CACNA1A: variants seen among roughly 807,000 people sequenced by gnomAD.
CACNA1A encodes the protein calcium voltage-gated channel subunit alpha1 A.
Under a neutral mutation model 262.4 loss-of-function variants are expected in CACNA1A, and 57 were observed. The ratio of observed to expected loss-of-function variants is 0.22; its 90% CI spans 0.18 to 0.27. The LOEUF (loss-of-function observed/expected upper bound fraction) is 0.27, where lower values mean the gene tolerates loss of function less well. Ranked by LOEUF, CACNA1A falls within the 10% of genes least tolerant of loss-of-function variation. The pLI, the probability that CACNA1A is intolerant of heterozygous loss-of-function variation, is 1.00. For missense variants in CACNA1A, 2,526 were observed against 3,562.8 expected (o/e 0.71, Z 7.41); for synonymous variants, 1,431 against 1,419.3 (o/e 1.01, Z -0.18).
chr19:13,208,793 G>C lies in CACNA1A; in HGVS notation c.6743C>G (p.Ser2248Trp). Residue 2248 changes from serine (S) to tryptophan (W), a missense_variant, in exon 46 of 47, where the codon TCG (serine) becomes TGG (tryptophan). By Grantham distance (177) the Ser-to-Trp change is radical. Transcript: ENST00000360228. Reference sequence around the variant, plus strand: ...CATGTGCTCTCGGCCCTCGCTGGGCGAGCGGGACCAGCGCTGGTCCCGAGC... The same window carrying C: ...CATGTGCTCTCGGCCCTCGCTGGGCCAGCGGGACCAGCGCTGGTCCCGAGC... ...ARARDQRWSRSPSEGREHMAH... is the reference protein window; with the variant it reads ...ARARDQRWSRWPSEGREHMAH... The C allele has an allele frequency of 1.3e-6, 2 of 1,558,484 alleles. No homozygotes were observed. Among genetic ancestry groups the C allele is most frequent in the Non-Finnish European group, 1.7e-6 (2 of 1,160,476 alleles).
chr19:13,453,498 G>T (rs983877311), intron 2 of CACNA1A, among the ~76,000 whole-genome samples: 2 of 152,202 alleles, frequency 1.3e-5, no homozygotes, highest in Non-Finnish European at 2.9e-5. Flanking sequence ...CACATGCAGC[G>T]TTCAAGGTAT....
chr19:13,368,585 A>G (rs1032213414), intron 4 of CACNA1A, among the ~76,000 whole-genome samples: 11 of 152,184 alleles, frequency 7.2e-5, no homozygotes, highest in African/African-American at 2.7e-4. Flanking sequence ...ATCTACTAGG[A>G]AAGTCTATGA....
At chr19:13,355,160 G>A (rs1306513690) in intron 6 of CACNA1A, among the ~76,000 whole-genome samples, 1 of 152,160 alleles carries the variant, frequency 6.6e-6, no homozygotes, top group Admixed American at 6.5e-5. Flanking sequence ...ACAGGCGTGA[G>A]CCACTGTGCC....
chr19:13,206,662 T>A lies in CACNA1A; in HGVS notation c.*651A>T, dbSNP rs1192149493. 1.6e-5 allele frequency: 2 copies of A among 126,224 alleles called. No individual in the cohort carries two copies. The highest frequency in any genetic ancestry group is 2.8e-4 in the South Asian group (1 of 3,516). The allele number at this position is 126,224 out of a possible 1,614,324, so 7.8% of individuals were successfully genotyped here. A position where few individuals can be genotyped will look rare whatever the true frequency, so the allele number is the denominator to read the frequency against. On this transcript the variant is annotated 3_prime_UTR_variant, in exon 47 of 47. Coordinates refer to ENST00000360228, the MANE Select transcript of CACNA1A (RefSeq NM_001127222.2). ...CAATCATTAATTTTTTTGTCCTTTT[T>A]AAAATTGTTTATTGTTATTATTATT... is the stretch of plus-strand genomic sequence containing the variant.
intron 34 of CACNA1A, among the ~76,000 whole-genome samples, chr19:13,232,542 T>C (rs2055703465): frequency 6.7e-6 from 1 of 150,090 alleles, no homozygotes; most frequent in South Asian, 2.1e-4. Flanking sequence ...CCATCCTGGC[T>C]AACATGGTGA....
chr19:13,502,594 C>T (rs1982520048), intron 1 of CACNA1A, among the ~76,000 whole-genome samples: 1 of 152,102 alleles, frequency 6.6e-6, no homozygotes, highest in Admixed American at 6.5e-5. Context: ...AACATGAAAC[C>T]AAGGTGTGTG....
At chr19:13,420,259 T>G (rs902646418) in intron 3 of CACNA1A, among the ~76,000 whole-genome samples, 1 of 151,444 alleles carries the variant, frequency 6.6e-6, no homozygotes, top group African/African-American at 2.4e-5. Context: ...AGGCTCGCTC[T>G]CTCTCTCAAG....
chr19:13,401,984 G>A (rs2059907194), intron 3 of CACNA1A, among the ~76,000 whole-genome samples: 1 of 152,160 alleles, frequency 6.6e-6, no homozygotes, highest in South Asian at 2.1e-4. Context: ...GCCACCAGTT[G>A]TACTTTAGAA....
chr19:13,372,517 A>C (rs968664186), intron 3 of CACNA1A, among the ~76,000 whole-genome samples: 6 of 152,128 alleles, frequency 3.9e-5, no homozygotes, highest in African/African-American at 1.4e-4. Context: ...GTTCAGTGTT[A>C]AGAGCCCAGC....
At chr19:13,327,721 C>T (rs1028812096) in intron 10 of CACNA1A, among the ~76,000 whole-genome samples, 1 of 151,140 alleles carries the variant, frequency 6.6e-6, no homozygotes. Context: ...TACAGGCTCA[C>T]GCCACCACAC....
intron 3 of CACNA1A, among the ~76,000 whole-genome samples, chr19:13,424,192 T>C (rs981052957): frequency 2.6e-5 from 4 of 151,852 alleles, no homozygotes; most frequent in African/African-American, 9.7e-5. Context: ...CTACTAAAAA[T>C]ACAAAACAAA....
chr19:13,395,270 T>A (rs2059789243), intron 3 of CACNA1A, among the ~76,000 whole-genome samples: 1 of 72,532 alleles, frequency 1.4e-5, no homozygotes. Context: ...TGAGACTCCA[T>A]CTCAAAAAAA....
At chr19:13,456,664 ACT>A (rs2144955699) in intron 1 of CACNA1A, among the ~76,000 whole-genome samples, 1 of 152,226 alleles carries the variant, frequency 6.6e-6, no homozygotes, top group East Asian at 1.9e-4. Context: ...ACAGAGCGAG[ACT>A]CTGTCTCAAA....
intron 10 of CACNA1A, among the ~76,000 whole-genome samples, chr19:13,320,997 A>T (rs1162312848): frequency 6.7e-6 from 1 of 150,072 alleles, no homozygotes; most frequent in Non-Finnish European, 1.5e-5. Flanking sequence ...AGCCGGTGTA[A>T]CTGGTACCAG....
chr19:13,390,092 C>T (rs954247363), intron 3 of CACNA1A, among the ~76,000 whole-genome samples: 2 of 151,948 alleles, frequency 1.3e-5, no homozygotes, highest in South Asian at 2.1e-4. Context: ...GGATTACAGG[C>T]GGGAGCCACT....
intron 24 of CACNA1A, among the ~76,000 whole-genome samples, chr19:13,270,094 C>A (rs57737964): frequency 6.6e-6 from 1 of 151,802 alleles, no homozygotes; most frequent in Non-Finnish European, 1.5e-5. Context: ...TGTGAGCCTC[C>A]GTATTCAGGG....
Position 13,212,955 on chromosome 19 carries a change from C to T in CACNA1A, c.5941-215G>A, listed in dbSNP as rs1008299257. On this transcript the variant is annotated intron_variant, in intron 40 of 46. Transcript: ENST00000360228. This position sits in a 1 kb window ranked among gnomAD's most constrained non-coding sequence, Gnocchi z 5.6. ...CCCCAGCCTGGTCCCACGTCCTCAT[C>T]TCTCACTGCAGGCACCTTCTCCCAG... 3.3e-5 allele frequency among the ~76,000 whole-genome samples: 5 copies of T among 152,130 alleles called. No homozygotes were observed. The highest frequency in any genetic ancestry group is 5.9e-5 in the Non-Finnish European group (4 of 68,014).
chr19:13,433,211 T>A (rs192324583), intron 3 of CACNA1A, among the ~76,000 whole-genome samples: 8 of 149,718 alleles, frequency 5.3e-5, no homozygotes, highest in African/African-American at 1.5e-4. Context: ...GAGAATGGCA[T>A]GAACCTGGGA....
chr19:13,504,625 C>T (rs946804148), intron 1 of CACNA1A, among the ~76,000 whole-genome samples: 2 of 152,276 alleles, frequency 1.3e-5, no homozygotes, highest in Non-Finnish European at 2.9e-5. Flanking sequence ...GGGGACTCAT[C>T]GCTGAGCCCC....
Sources: allele counts gnomAD v4.1 joint callset (sites outside exome capture counted in the v4.1 genomes callset), GRCh38; gene constraint gnomAD v4.1.1; non-coding constraint Gnocchi (gnomAD v3.1); transcripts MANE v1.5; gene names NCBI Gene and HGNC (gene_info 2026-07-23, HGNC 2026-07-21).